Variants in NAV2 observed in about 807,000 individuals in gnomAD.
The protein encoded by NAV2 is neuron navigator 2.
In NAV2, 54 loss-of-function variants were observed where a neutral mutation model predicts 223.2. The ratio of observed to expected loss-of-function variants is 0.24; its 90% confidence interval spans 0.19 to 0.30. NAV2 has a LOEUF of 0.30. Ranked by LOEUF, NAV2 falls within the 10% of genes least tolerant of loss-of-function variation. The pLI is 1.00. For synonymous variants in NAV2, 1,279 were observed against 1,239.3 expected (o/e 1.03, Z -0.67); for missense variants, 2,806 against 3,147.5 (o/e 0.89, Z 2.60).
At chr11:19,908,379 C>T (rs1015437052) in intron 6 of NAV2, among the ~76,000 whole-genome samples, 77 of 152,032 alleles carry the variant, frequency 5.1e-4, no homozygotes, top group African/African-American at 1.8e-3. Context: ...TCCCTCCTTC[C>T]TCCGTTAACC....
intron 6 of NAV2, among the ~76,000 whole-genome samples, chr11:19,895,104 C>CTTTTTTTTTTTTTTTTTTT (rs71050690): frequency 1.6e-4 from 16 of 99,208 alleles, no homozygotes; most frequent in South Asian, 3.8e-4. Flanking sequence ...CTTTTTCTTT[C>CTTTTTTTTTTTTTTTTTTT]TTTTTTTTTT....
chr11:19,668,825 C>T (rs925680707), intron 1 of NAV2, among the ~76,000 whole-genome samples: 2 of 152,128 alleles, frequency 1.3e-5, no homozygotes, highest in African/African-American at 2.4e-5. Context: ...ATCCCTGGCT[C>T]TCTCCCTTAG....
chr11:19,856,409 T>C (rs1007904873), intron 3 of NAV2, among the ~76,000 whole-genome samples: 1 of 152,228 alleles, frequency 6.6e-6, no homozygotes, highest in Admixed American at 6.5e-5. Flanking sequence ...TCACAGACTT[T>C]AGAATTTGAA....
chr11:20,110,664 G>T lies in NAV2; in HGVS notation c.6960+2882G>T, dbSNP rs77536369. Among the ~76,000 whole-genome samples the T allele has an allele frequency of 4.8e-3, 730 of 152,194 alleles. 14 individuals are homozygous for T. Among genetic ancestry groups the T allele is most frequent in the East Asian group, 0.04 (207 of 5,172 alleles). On this transcript the variant is annotated intron_variant, in intron 36 of 37. Transcript: ENST00000349880. ...CACTGAGAAGCCACAGGTGGCTTGG[G>T]GAACCAAATACTGAATTTTATAGAG...
intron 1 of NAV2, among the ~76,000 whole-genome samples, chr11:19,457,003 G>A (rs1007413250): frequency 3.9e-5 from 6 of 152,148 alleles, no homozygotes; most frequent in African/African-American, 1.4e-4. Flanking sequence ...TACGGTCAAG[G>A]CAGGGTGGGA....
chr11:20,097,473 T>C (rs995353496), intron 30 of NAV2, 104 bp from the exon 31 acceptor site: 39 of 966,596 alleles, frequency 4.0e-5, no homozygotes, highest in Non-Finnish European at 4.9e-5. Context: ...CTCAGACATC[T>C]GAGAAAGAAG....
intron 1 of NAV2, among the ~76,000 whole-genome samples, chr11:19,786,910 T>C (rs1434629025): frequency 2.0e-5 from 3 of 151,982 alleles, no homozygotes; most frequent in South Asian, 2.1e-4. Context: ...GGGTGCTGAG[T>C]TGGGAGGATG....
At chr11:19,384,289 T>C (rs2702696) in intron 1 of NAV2, among the ~76,000 whole-genome samples, 147,861 of 152,314 alleles carry the variant, frequency 0.97, 71,906 homozygotes, top group East Asian at 1. Flanking sequence ...ATATGTAGTT[T>C]CACATTTTCC....
At chr11:19,491,995 T>C (rs1020881398) in intron 1 of NAV2, among the ~76,000 whole-genome samples, 27 of 147,292 alleles carry the variant, frequency 1.8e-4, no homozygotes, top group Admixed American at 1.7e-3. Context: ...GAAAGAGAGA[T>C]GGGGAAAGAG....
intron 6 of NAV2, among the ~76,000 whole-genome samples, chr11:19,916,745 G>A (rs1000479025): frequency 6.6e-6 from 1 of 152,196 alleles, no homozygotes; most frequent in East Asian, 1.9e-4. Context: ...GGGGTCTCTG[G>A]TGCAGCTATT....
At chr11:20,034,089 A>G (rs2056081512) in intron 11 of NAV2, among the ~76,000 whole-genome samples, 1 of 152,196 alleles carries the variant, frequency 6.6e-6, no homozygotes, top group Non-Finnish European at 1.5e-5. Context: ...GACATAATAC[A>G]AAACTGTCTG....
chr11:19,943,749 C>T (rs751578083), intron 8 of NAV2, among the ~76,000 whole-genome samples: 18 of 152,076 alleles, frequency 1.2e-4, no homozygotes, highest in Non-Finnish European at 2.1e-4. Context: ...TATTGCTCAA[C>T]GCTTGAAAAT....
intron 1 of NAV2, among the ~76,000 whole-genome samples, chr11:19,689,207 A>G (rs990851518): frequency 1.3e-5 from 2 of 152,224 alleles, no homozygotes; most frequent in Admixed American, 6.5e-5. Flanking sequence ...AGCCAGGCTG[A>G]GCCAAGCCTC....
At chr11:20,071,624 G>C (rs1480241438) in intron 22 of NAV2, among the ~76,000 whole-genome samples, 1 of 131,748 alleles carries the variant, frequency 7.6e-6, no homozygotes, top group African/African-American at 3.3e-5. Context: ...TCCAGCATCT[G>C]TTGTTCCTTG....
intron 10 of NAV2, among the ~76,000 whole-genome samples, chr11:19,957,909 A>G (rs1049329771): frequency 3.3e-5 from 5 of 151,854 alleles, no homozygotes; most frequent in East Asian, 1.9e-4. Context: ...GAGAGAGAGA[A>G]AAAAAAATAA....
At chr11:20,087,411 C>A (rs1027496325) in intron 26 of NAV2, among the ~76,000 whole-genome samples, 1 of 152,138 alleles carries the variant, frequency 6.6e-6, no homozygotes, top group Non-Finnish European at 1.5e-5. Flanking sequence ...TTGTTTCCAA[C>A]CTCGAAGGGT....
chr11:19,971,738 C>T (rs1303966541), intron 10 of NAV2, among the ~76,000 whole-genome samples: 1 of 152,224 alleles, frequency 6.6e-6, no homozygotes, highest in African/African-American at 2.4e-5. Context: ...CAGTCTTGCT[C>T]TGTCACCCAG....
intron 1 of NAV2, among the ~76,000 whole-genome samples, chr11:19,560,262 T>C (rs779884744): frequency 1.3e-5 from 2 of 152,212 alleles, no homozygotes; most frequent in East Asian, 1.9e-4. Flanking sequence ...TCACAAGCTT[T>C]AGACAAACCC....
At chr11:19,893,542 C>T (rs955078164) in intron 6 of NAV2, among the ~76,000 whole-genome samples, 5 of 152,156 alleles carry the variant, frequency 3.3e-5, no homozygotes, top group Admixed American at 6.5e-5. Context: ...TGGGAACCGC[C>T]GCCATTTTCT....
Sources: gnomAD v4.1 joint callset for allele counts (sites outside exome capture counted in the v4.1 genomes callset) on GRCh38, gnomAD v4.1.1 for gene constraint, MANE v1.5 for transcripts, NCBI Gene and HGNC (gene_info 2026-07-23, HGNC 2026-07-21) for gene names.